The following SHANK2 variants were observed in gnomAD, a reference collection of about 807,000 sequenced individuals.
SHANK2 encodes SH3 and multiple ankyrin repeat domains protein 2.
Under a neutral mutation model 133.7 loss-of-function variants are expected in SHANK2, and 43 were observed. The ratio of observed to expected loss-of-function variants is 0.32; its 90% CI spans 0.25 to 0.41. The LOEUF (loss-of-function observed/expected upper bound fraction) is 0.41. Among genes scored for constraint, SHANK2 ranks in the 10% least tolerant of loss-of-function variants. SHANK2 has a pLI of 1.00. For synonymous variants in SHANK2, 1,017 were observed against 952.8 expected (o/e 1.07, Z -1.24); for missense variants, 1,994 against 2,235.8 (o/e 0.89, Z 2.18).
At chr11:71,130,804 C>T (rs1417979453) in intron 3 of SHANK2, among the ~76,000 whole-genome samples, 1 of 152,202 alleles carries the variant, frequency 6.6e-6, no homozygotes, top group Non-Finnish European at 1.5e-5. Context: ...GGGATATTCC[C>T]TATTCAGGAT....
chr11:70,939,171 T>C (rs1463679017), intron 10 of SHANK2, among the ~76,000 whole-genome samples: 2 of 152,190 alleles, frequency 1.3e-5, no homozygotes, highest in African/African-American at 4.8e-5. Flanking sequence ...CTTTGGGTTT[T>C]GCTGGGAGCT....
At chr11:70,522,190 T>C (rs1241327565) in intron 17 of SHANK2, among the ~76,000 whole-genome samples, 2 of 152,210 alleles carry the variant, frequency 1.3e-5, no homozygotes, top group African/African-American at 2.4e-5. Context: ...TTGAGTCCAC[T>C]TGCTGTGCAG....
At chr11:70,794,968 A>G (rs1309632656) in intron 14 of SHANK2, among the ~76,000 whole-genome samples, 1 of 152,174 alleles carries the variant, frequency 6.6e-6, no homozygotes, top group Admixed American at 6.5e-5. Context: ...CTGTATGTAA[A>G]TCACACCTCT....
In SHANK2 at chr11:70,690,488, G is replaced by GTTTTTTTTTT. The variant is rs35737323; in HGVS notation, c.1853+8190_1853+8199dup. Among the ~76,000 whole-genome samples the GTTTTTTTTTT allele has an allele frequency of 1.9e-3, 61 of 32,822 alleles. 6 individuals carry two copies. Among genetic ancestry groups the GTTTTTTTTTT allele is most frequent in the Non-Finnish European group, 2.3e-3 (46 of 19,654 alleles). The allele number at this position is 32,822 out of a possible 152,430, so 21.5% of individuals were successfully genotyped here. ...ATCATCATAATGTAATACTTCCCAT[G>GTTTTTTTTTT]TTTTTTTTTTTTTTTTTTTTTTTTT... On this transcript the variant is annotated intron_variant, in intron 15 of 25. Coordinates refer to ENST00000601538, the MANE Select transcript of SHANK2 (RefSeq NM_012309.5).
chr11:70,733,067 G>A (rs1223935721), intron 14 of SHANK2, among the ~76,000 whole-genome samples: 1 of 152,228 alleles, frequency 6.6e-6, no homozygotes, highest in Non-Finnish European at 1.5e-5. Flanking sequence ...AGAGACAGAC[G>A]CGGAGCAGAT....
At chr11:70,898,852 T>C (rs1433001344) in intron 10 of SHANK2, among the ~76,000 whole-genome samples, 1 of 152,186 alleles carries the variant, frequency 6.6e-6, no homozygotes, top group African/African-American at 2.4e-5. Flanking sequence ...GGAACATCAC[T>C]TGATAATGTA....
At chr11:71,209,557 A>G (rs1954207820) in intron 2 of SHANK2, among the ~76,000 whole-genome samples, 1 of 152,188 alleles carries the variant, frequency 6.6e-6, no homozygotes, top group African/African-American at 2.4e-5. Context: ...ACACATGGTC[A>G]TACCCAGACC....
intron 3 of SHANK2, among the ~76,000 whole-genome samples, chr11:71,124,930 T>C (rs1555102385): frequency 6.6e-6 from 1 of 152,240 alleles, no homozygotes; most frequent in African/African-American, 2.4e-5. Context: ...TGAGTAATTC[T>C]TGTACTGTCA....
chr11:70,946,004 C>T (rs1555085311), intron 10 of SHANK2, among the ~76,000 whole-genome samples: 4 of 150,564 alleles, frequency 2.7e-5, no homozygotes, highest in African/African-American at 9.8e-5. Context: ...ACCAACCCTT[C>T]CCAGGCTCGC....
chr11:70,829,331 C>T (rs1035666865), intron 11 of SHANK2, among the ~76,000 whole-genome samples: 11 of 152,172 alleles, frequency 7.2e-5, no homozygotes, highest in African/African-American at 2.2e-4. Context: ...CAGCGGCCAC[C>T]GTCCGGTGCG....
rs1235841646 is a variant in SHANK2 at position 70,469,605 on chromosome 11, A to G, written c.*3264T>C. 6.6e-6 allele frequency: 1 copy of G among 152,448 alleles called. No individual in the cohort carries two copies. Among genetic ancestry groups the G allele is most frequent in the African/African-American group, 2.4e-5 (1 of 41,440 alleles). 9.4% of individuals were successfully genotyped at this position (152,448 alleles called of 1,614,324 possible). On this transcript the variant is annotated 3_prime_UTR_variant, in exon 26 of 26. Transcript: ENST00000601538. ...AGATAATGCGAACACGTGTTGTTAC[A>G]CAAACTATAGTGTGAAACATATTAG... is the stretch of plus-strand genomic sequence containing the variant.
intron 2 of SHANK2, among the ~76,000 whole-genome samples, chr11:71,200,615 C>T (rs1555116937): frequency 6.6e-6 from 1 of 152,146 alleles, no homozygotes; most frequent in Non-Finnish European, 1.5e-5. Flanking sequence ...CTTCACTCTA[C>T]ATTTAACTTT....
At chr11:70,918,227 G>A (rs888091537) in intron 10 of SHANK2, among the ~76,000 whole-genome samples, 3 of 152,202 alleles carry the variant, frequency 2.0e-5, no homozygotes, top group Admixed American at 6.5e-5. Context: ...CGCTCCATGC[G>A]GGGCGGGGGC....
At chr11:70,666,786 G>A (rs530095820) in intron 15 of SHANK2, among the ~76,000 whole-genome samples, 1 of 152,270 alleles carries the variant, frequency 6.6e-6, no homozygotes, top group African/African-American at 2.4e-5. Context: ...TAGGCACTGT[G>A]GGCTCCTTGT....
intron 12 of SHANK2, among the ~76,000 whole-genome samples, chr11:70,808,834 T>G (rs969790926): frequency 6.6e-6 from 1 of 152,130 alleles, no homozygotes; most frequent in Non-Finnish European, 1.5e-5. Flanking sequence ...ACTGTGAGCG[T>G]CAGTCACACT....
In SHANK2 at chr11:70,473,428, A is replaced by G. The variant is rs150857128; in HGVS notation, c.4991T>C (p.Ile1664Thr). The G allele has an allele frequency of 4.6e-3, 7,379 of 1,603,872 alleles. 23 individuals carry two copies. Among genetic ancestry groups the G allele is most frequent in the Non-Finnish European group, 5.3e-3 (6,277 of 1,179,902 alleles). ...SASLAPRSPEIMSTISGTRST... is the reference protein window; with the variant it reads ...SASLAPRSPETMSTISGTRST... ...CCGTGTACCTGAGATGGTGCTCATG[A>G]TCTCCGGGCTTCTGAAACAGCAACA... Residue 1664 changes from isoleucine to threonine, a missense_variant, in exon 26 of 26, where the codon ATC (isoleucine) becomes ACC (threonine). Physicochemically the swap from Ile to Thr is moderately conservative, Grantham distance 89. This residue lies in a region of SHANK2 where 797 missense variants were observed against 907.4 expected (regional missense o/e 0.88). Coordinates refer to ENST00000601538, the MANE Select transcript of SHANK2 (RefSeq NM_012309.5). The surrounding 1 kb of genome is among the most constrained non-coding windows in gnomAD (Gnocchi z 5.9).
chr11:70,784,483 A>G (rs575018855), intron 14 of SHANK2, among the ~76,000 whole-genome samples: 1 of 149,094 alleles, frequency 6.7e-6, no homozygotes, highest in Admixed American at 6.8e-5. Context: ...CAGCCTCTCG[A>G]GTAGCTAGGA....
chr11:71,220,501 T>C (rs578196393), intron 2 of SHANK2, among the ~76,000 whole-genome samples: 1 of 152,306 alleles, frequency 6.6e-6, no homozygotes, highest in African/African-American at 2.4e-5. Context: ...AGAACACTAT[T>C]CACAACAGCC....
intron 14 of SHANK2, among the ~76,000 whole-genome samples, chr11:70,716,561 G>A (rs1255041153): frequency 2.0e-5 from 3 of 152,140 alleles, no homozygotes; most frequent in Non-Finnish European, 4.4e-5. Context: ...ATCTCCATCA[G>A]GGTGCCTTCT....
Sources: allele counts gnomAD v4.1 joint callset (sites outside exome capture counted in the v4.1 genomes callset), GRCh38; gene constraint gnomAD v4.1.1; regional missense constraint gnomAD v4.1.1; non-coding constraint Gnocchi (gnomAD v3.1); transcripts MANE v1.5; gene names NCBI Gene and HGNC (gene_info 2026-07-23, HGNC 2026-07-21).